MARCHF1: variants seen among roughly 807,000 people sequenced by gnomAD.
MARCHF1 encodes membrane associated ring-CH-type finger 1.
Under a neutral mutation model 54.2 loss-of-function variants are expected in MARCHF1, and 40 were observed. The ratio of observed to expected loss-of-function variants is 0.74; its 90% confidence interval spans 0.57 to 0.96. The LOEUF (loss-of-function observed/expected upper bound fraction) is 0.96. MARCHF1 is among the 40% of genes least tolerant of loss of function. The pLI is 0.00. For missense variants in MARCHF1, 586 were observed against 656.5 expected (o/e 0.89, Z 1.17); for synonymous variants, 236 against 236.3 (o/e 1.00, Z 0.01).
intron 1 of MARCHF1, among the ~76,000 whole-genome samples, chr4:164,182,696 A>T (rs528167677): frequency 6.6e-6 from 1 of 152,098 alleles, no homozygotes; most frequent in South Asian, 2.1e-4. Context: ...AATGATTCTA[A>T]ATTAAAAAAA....
intron 4 of MARCHF1, among the ~76,000 whole-genome samples, chr4:163,777,066 T>C (rs1344893656): frequency 6.6e-6 from 1 of 152,162 alleles, no homozygotes; most frequent in Non-Finnish European, 1.5e-5. Flanking sequence ...TTTCAATCTA[T>C]GTGATTCAAG....
chr4:163,728,741 T>C (rs976388315), intron 4 of MARCHF1, among the ~76,000 whole-genome samples: 3 of 152,240 alleles, frequency 2.0e-5, no homozygotes, highest in Admixed American at 6.5e-5. Flanking sequence ...TCATATTTCA[T>C]GAACAAAGAC....
At chr4:163,567,651 C>T (rs13110258) in intron 8 of MARCHF1, among the ~76,000 whole-genome samples, 57,821 of 151,972 alleles carry the variant, frequency 0.38, 11,502 homozygotes, top group Middle Eastern at 0.44. Context: ...AAGTTCTCTT[C>T]TCCTGTCTGC....
At chr4:163,909,056 C>T (rs1055447891) in intron 3 of MARCHF1, among the ~76,000 whole-genome samples, 1 of 152,022 alleles carries the variant, frequency 6.6e-6, no homozygotes, top group Non-Finnish European at 1.5e-5. Flanking sequence ...TTTAACATTA[C>T]ATTTTTCCTA....
At chr4:163,790,866 T>A (rs1328087686) in intron 4 of MARCHF1, among the ~76,000 whole-genome samples, 1 of 151,872 alleles carries the variant, frequency 6.6e-6, no homozygotes, top group Non-Finnish European at 1.5e-5. Context: ...GTTGAAGGGG[T>A]TGTTAGCATG....
At chr4:163,906,184 C>T (rs938977986) in intron 3 of MARCHF1, among the ~76,000 whole-genome samples, 2 of 151,980 alleles carry the variant, frequency 1.3e-5, no homozygotes, top group Non-Finnish European at 2.9e-5. Context: ...TTGTTCCCTC[C>T]TCCACAGGAG....
At chr4:164,090,976 C>T (rs1755286362) in intron 2 of MARCHF1, among the ~76,000 whole-genome samples, 1 of 138,510 alleles carries the variant, frequency 7.2e-6, no homozygotes, top group East Asian at 2.1e-4. Context: ...CCATTTCAAA[C>T]AGGGCAACCT....
intron 5 of MARCHF1, among the ~76,000 whole-genome samples, chr4:163,695,921 TA>T (rs150538693): frequency 0.012 from 1,847 of 152,204 alleles, 44 homozygotes; most frequent in African/African-American, 0.042. Context: ...AGCACTAATA[TA>T]AAAAAGTATT....
In MARCHF1 at chr4:163,562,232, G is replaced by A. The variant is rs1463334226; in HGVS notation, c.1192-16489C>T. On this transcript the variant is annotated intron_variant, in intron 8 of 9. Coordinates refer to ENST00000514618, the MANE Select transcript of MARCHF1 (RefSeq NM_001394959.1). ...GAATCGCTGGAACCCAGGAGGTGGA[G>A]GTTGCAGTGAGCAGAGATCGCGCCA... 2.0e-5 allele frequency among the ~76,000 whole-genome samples: 3 copies of A among 152,150 alleles called. No individual in the cohort carries two copies. In the East Asian group the frequency reaches 5.8e-4, roughly 29 times the overall value.
chr4:164,342,626 G>T (rs961051572), intron 1 of MARCHF1, among the ~76,000 whole-genome samples: 1 of 151,850 alleles, frequency 6.6e-6, no homozygotes, highest in Non-Finnish European at 1.5e-5. Context: ...TATATCTACA[G>T]GAAGTAAGAT....
intron 1 of MARCHF1, among the ~76,000 whole-genome samples, chr4:164,184,100 A>T (rs1730903946): frequency 1.3e-5 from 2 of 152,176 alleles, no homozygotes; most frequent in East Asian, 1.9e-4. Flanking sequence ...GAAATTTTTT[A>T]AAAACCCTGA....
At chr4:163,949,998 G>A (rs73001229) in intron 3 of MARCHF1, among the ~76,000 whole-genome samples, 9,711 of 152,222 alleles carry the variant, frequency 0.064, 632 homozygotes, top group East Asian at 0.18. Flanking sequence ...TGAACTTTAG[G>A]AGAGGAAGTG....
intron 2 of MARCHF1, among the ~76,000 whole-genome samples, chr4:164,023,568 C>A (rs1313022476): frequency 2.0e-5 from 3 of 152,018 alleles, no homozygotes; most frequent in Non-Finnish European, 4.4e-5. Flanking sequence ...TCTGAAAATA[C>A]TTAAAATAAA....
At chr4:163,617,082 G>A (rs187550474) in intron 5 of MARCHF1, among the ~76,000 whole-genome samples, 27 of 152,144 alleles carry the variant, frequency 1.8e-4, no homozygotes, top group African/African-American at 6.3e-4. Flanking sequence ...TCATAAAAAC[G>A]AACAAAATCA....
chr4:163,834,603 T>TC (rs1474991515), intron 4 of MARCHF1, among the ~76,000 whole-genome samples: 1 of 57,178 alleles, frequency 1.7e-5, no homozygotes, highest in Admixed American at 2.7e-4. Flanking sequence ...CCCTCCCCCC[T>TC]CCCCCCACCC....
chr4:163,547,826 T>C (rs1738959757), intron 8 of MARCHF1, among the ~76,000 whole-genome samples: 1 of 152,216 alleles, frequency 6.6e-6, no homozygotes. Context: ...CATCCCTTCC[T>C]CTCCTCCTAC....
chr4:164,153,526 T>G (rs966706791), intron 1 of MARCHF1, among the ~76,000 whole-genome samples: 2 of 152,028 alleles, frequency 1.3e-5, no homozygotes, highest in African/African-American at 4.8e-5. Flanking sequence ...TTTAATAATT[T>G]AATAAAGAAA....
At chr4:163,643,762 T>A (rs1742649646) in intron 5 of MARCHF1, among the ~76,000 whole-genome samples, 1 of 152,198 alleles carries the variant, frequency 6.6e-6, no homozygotes, top group Non-Finnish European at 1.5e-5. Flanking sequence ...GAAACATTCT[T>A]TCCTTTATTT....
In MARCHF1 at chr4:164,301,306, T is replaced by C. The variant is rs115321138; in HGVS notation, c.-323+82564A>G. On this transcript the variant is annotated intron_variant, in intron 1 of 9. Transcript: ENST00000514618. ...ATGGAAAAATAAACTGTTTTGAAGATATGATTGCTAGAAATTGACAAATGA... is the reference window on the plus strand; with the variant it reads ...ATGGAAAAATAAACTGTTTTGAAGACATGATTGCTAGAAATTGACAAATGA... Among the ~76,000 whole-genome samples the C allele has an allele frequency of 1.2e-3, 185 of 152,280 alleles. No individual in the cohort carries two copies. The Middle Eastern group carries it at 0.024, about 20-fold the overall frequency.
Sources: allele counts gnomAD v4.1 joint callset (sites outside exome capture counted in the v4.1 genomes callset), GRCh38; gene constraint gnomAD v4.1.1; transcripts MANE v1.5; gene names NCBI Gene and HGNC (gene_info 2026-07-23, HGNC 2026-07-21).